CAMK1D: variants seen among roughly 807,000 people sequenced by gnomAD.
CAMK1D encodes calcium/calmodulin dependent protein kinase ID, also known as calcium/calmodulin-dependent protein kinase type 1D.
In CAMK1D, 9 loss-of-function variants were observed where a neutral mutation model predicts 47.7. That is an observed-to-expected ratio of 0.19 (90% CI 0.11 to 0.33). The LOEUF is 0.33. Ranked by LOEUF, CAMK1D falls within the 10% of genes least tolerant of loss-of-function variation. CAMK1D has a pLI of 1.00. For missense variants in CAMK1D, 291 were observed against 488.7 expected (o/e 0.60, Z 3.81); for synonymous variants, 184 against 184.9 (o/e 0.99, Z 0.04).
chr10:12,374,219 C>A (rs1838097793), intron 1 of CAMK1D, among the ~76,000 whole-genome samples: 1 of 137,262 alleles, frequency 7.3e-6, no homozygotes. Flanking sequence ...AAGATTGCAC[C>A]ACTGCACTCC....
chr10:12,517,466 C>T, intron 1 of CAMK1D, among the ~76,000 whole-genome samples: 1 of 152,162 alleles, frequency 6.6e-6, no homozygotes, highest in East Asian at 1.9e-4. Context: ...GAACAGAAAC[C>T]ATTCAGGCTT....
chr10:12,764,907 C>T (rs542531737), intron 4 of CAMK1D, among the ~76,000 whole-genome samples: 161 of 152,202 alleles, frequency 1.1e-3, no homozygotes, highest in Non-Finnish European at 1.6e-3. Context: ...ACCAGCCTGG[C>T]GAACATGATG....
chr10:12,375,187 G>A (rs573400457), intron 1 of CAMK1D, among the ~76,000 whole-genome samples: 1 of 152,126 alleles, frequency 6.6e-6, no homozygotes, highest in Non-Finnish European at 1.5e-5. Context: ...TCTCTTACAC[G>A]TGATTTTCCA....
At chr10:12,511,173 G>A (rs2815655) in intron 1 of CAMK1D, among the ~76,000 whole-genome samples, 77,112 of 152,046 alleles carry the variant, frequency 0.51, 19,748 homozygotes, top group South Asian at 0.61. Flanking sequence ...GCAATGGAAC[G>A]TCTGTCTTCC....
chr10:12,801,476 A>C (rs1838477981), intron 6 of CAMK1D, among the ~76,000 whole-genome samples: 1 of 150,912 alleles, frequency 6.6e-6, no homozygotes, highest in African/African-American at 2.4e-5. Context: ...TCATCTATCT[A>C]TCCATTCATC....
intron 1 of CAMK1D, among the ~76,000 whole-genome samples, chr10:12,478,437 G>A (rs1434327300): frequency 6.6e-6 from 1 of 152,022 alleles, no homozygotes; most frequent in African/African-American, 2.4e-5. Context: ...GAGTACCTGG[G>A]ACTACAGACA....
chr10:12,679,354 A>G (rs1256630837), intron 3 of CAMK1D, among the ~76,000 whole-genome samples: 2 of 152,194 alleles, frequency 1.3e-5, no homozygotes, highest in Non-Finnish European at 2.9e-5. Flanking sequence ...TTATACATTT[A>G]TTTGATTTAA....
intron 6 of CAMK1D, among the ~76,000 whole-genome samples, chr10:12,805,866 A>C (rs534271844): frequency 6.6e-6 from 1 of 152,338 alleles, no homozygotes; most frequent in African/African-American, 2.4e-5. Flanking sequence ...CAGGGTTGCA[A>C]AAAGGAATGA....
intron 1 of CAMK1D, among the ~76,000 whole-genome samples, chr10:12,484,061 C>T (rs936847246): frequency 1.3e-5 from 2 of 152,098 alleles, no homozygotes; most frequent in Non-Finnish European, 2.9e-5. Flanking sequence ...GGTTGGTGCC[C>T]GCAGCCACAA....
intron 5 of CAMK1D, among the ~76,000 whole-genome samples, chr10:12,772,108 A>G (rs945788966): frequency 6.6e-6 from 1 of 151,718 alleles, no homozygotes; most frequent in Non-Finnish European, 1.5e-5. Flanking sequence ...CTTCTAAGAT[A>G]GCGTGATAAC....
chr10:12,718,731 T>A (rs1834252975), intron 3 of CAMK1D, among the ~76,000 whole-genome samples: 2 of 152,250 alleles, frequency 1.3e-5, no homozygotes, highest in Admixed American at 1.3e-4. Context: ...GCATCATGAC[T>A]TAGAATCTTC....
At chr10:12,395,909 A>G (rs1838931284) in intron 1 of CAMK1D, among the ~76,000 whole-genome samples, 1 of 151,596 alleles carries the variant, frequency 6.6e-6, no homozygotes, top group African/African-American at 2.4e-5. Flanking sequence ...CCTGGGCAAC[A>G]GAGTGAGACT....
intron 3 of CAMK1D, among the ~76,000 whole-genome samples, chr10:12,698,083 A>T (rs10906209): frequency 1.3e-5 from 2 of 151,946 alleles, no homozygotes; most frequent in South Asian, 2.1e-4. Flanking sequence ...TTCTAAAAGT[A>T]GTGACATTAT....
intron 1 of CAMK1D, among the ~76,000 whole-genome samples, chr10:12,389,365 T>C (rs1282893924): frequency 1.3e-5 from 2 of 152,084 alleles, no homozygotes; most frequent in African/African-American, 4.8e-5. Context: ...TCTGGGACCA[T>C]CCCGACACTG....
intron 2 of CAMK1D, among the ~76,000 whole-genome samples, chr10:12,624,377 A>G (rs910306251): frequency 7.2e-5 from 11 of 152,188 alleles, no homozygotes; most frequent in African/African-American, 2.4e-4. Context: ...CTAAAACTTT[A>G]TGATGTTGAT....
At chr10:12,796,728 T>G (rs117114278) in intron 6 of CAMK1D, among the ~76,000 whole-genome samples, 28 of 152,306 alleles carry the variant, frequency 1.8e-4, no homozygotes, top group Admixed American at 3.3e-4. Context: ...AACAGTCGCC[T>G]GCTTATATTC....
chr10:12,410,293 G>T lies in CAMK1D; in HGVS notation c.92+60383G>T, dbSNP rs78119622. ...TCTTTCTGTCTCTTTCTGTGTGTGTGTGTAACTCTGTATTTTCTTGAGTGT... is the reference window on the plus strand; with the variant it reads ...TCTTTCTGTCTCTTTCTGTGTGTGTTTGTAACTCTGTATTTTCTTGAGTGT... On this transcript the variant is annotated intron_variant, in intron 1 of 10. Transcript: ENST00000619168. Among the ~76,000 whole-genome samples, 1,452 of 152,296 alleles carry T rather than the reference G, an allele frequency of 9.5e-3. 25 individuals are homozygous for T. Among genetic ancestry groups the T allele is most frequent in the African/African-American group, 0.033 (1,362 of 41,556 alleles).
chr10:12,791,643 A>T (rs561876339), intron 6 of CAMK1D, among the ~76,000 whole-genome samples: 1 of 149,724 alleles, frequency 6.7e-6, no homozygotes, highest in African/African-American at 2.5e-5. Context: ...ATGGTGTAGC[A>T]TGGGTCAGAA....
At chr10:12,807,174 T>C (rs1006106971) in intron 6 of CAMK1D, among the ~76,000 whole-genome samples, 3 of 152,222 alleles carry the variant, frequency 2.0e-5, no homozygotes, top group Non-Finnish European at 4.4e-5. Context: ...ATCTCTCACA[T>C]GTACCTGGTC....
Sources: allele counts gnomAD v4.1 joint callset (sites outside exome capture counted in the v4.1 genomes callset), GRCh38; gene constraint gnomAD v4.1.1; transcripts MANE v1.5; gene names NCBI Gene and HGNC (gene_info 2026-07-23, HGNC 2026-07-21).